The following TMC1 variants were observed in gnomAD, a reference collection of about 807,000 sequenced individuals.
TMC1 encodes transmembrane channel like 1, also known as transmembrane channel-like protein 1.
A neutral mutation model predicts 105.8 loss-of-function variants in TMC1; 84 were observed. The ratio of observed to expected loss-of-function variants is 0.79; its 90% CI spans 0.67 to 0.95. TMC1 has a LOEUF of 0.95. Ranked by LOEUF, TMC1 falls within the 40% of genes least tolerant of loss-of-function variation. The pLI is 0.00. For synonymous variants in TMC1, 315 were observed against 311.5 expected (o/e 1.01, Z -0.12); for missense variants, 817 against 914.1 (o/e 0.89, Z 1.37).
At chr9:72,569,516 A>G (rs1226039836) in intron 1 of TMC1, among the ~76,000 whole-genome samples, 1 of 152,234 alleles carries the variant, frequency 6.6e-6, no homozygotes, top group African/African-American at 2.4e-5. Context: ...AAGAATCAGG[A>G]AAGTTTTCAT....
At chr9:72,674,546 A>T (rs979634225) in intron 5 of TMC1, among the ~76,000 whole-genome samples, 1 of 152,240 alleles carries the variant, frequency 6.6e-6, no homozygotes, top group African/African-American at 2.4e-5. Context: ...GTGGTTGCCA[A>T]CCACTAGCAG....
At chr9:72,550,881 AG>A (rs1416434218) in intron 1 of TMC1, among the ~76,000 whole-genome samples, 1 of 152,044 alleles carries the variant, frequency 6.6e-6, no homozygotes, top group Non-Finnish European at 1.5e-5. Flanking sequence ...TGAGTTAGAG[AG>A]ATTATCCTGG....
At chr9:72,822,039 A>T (rs1378366477) in intron 20 of TMC1, among the ~76,000 whole-genome samples, 1 of 152,200 alleles carries the variant, frequency 6.6e-6, no homozygotes, top group Non-Finnish European at 1.5e-5. Context: ...TTAGAGATAC[A>T]CATTTCTACA....
chr9:72,651,108 A>G (rs900113128), intron 5 of TMC1: 1 of 147,916 alleles, frequency 6.8e-6, no homozygotes, highest in African/African-American at 2.5e-5. Flanking sequence ...TATCACATAT[A>G]TATAGCACAT....
rs377173276 is a variant in TMC1, at chr9:72,552,799, G to A, written c.-427-25103G>A. Among the ~76,000 whole-genome samples, 5 of 151,904 alleles carry A rather than the reference G, an allele frequency of 3.3e-5. No homozygotes were observed. In the East Asian group the frequency reaches 5.8e-4, roughly 18 times the overall value. ...TTGCATATTGTGATTGTTTCTGTTC[G>A]GATTTAATGGCTGATCTATTTATCA... On this transcript the variant is annotated intron_variant, in intron 1 of 23. Coordinates refer to ENST00000297784, the MANE Select transcript of TMC1 (RefSeq NM_138691.3).
At chr9:72,658,143 G>A (rs1270341892) in intron 5 of TMC1, among the ~76,000 whole-genome samples, 1 of 152,086 alleles carries the variant, frequency 6.6e-6, no homozygotes, top group Non-Finnish European at 1.5e-5. Context: ...AACAAAAAGT[G>A]TAATAGACAC....
At chr9:72,708,274 A>G (rs1826777429) in intron 8 of TMC1, among the ~76,000 whole-genome samples, 1 of 152,084 alleles carries the variant, frequency 6.6e-6, no homozygotes, top group South Asian at 2.1e-4. Context: ...TATGAATTTT[A>G]GAATTTTTTT....
intron 13 of TMC1, among the ~76,000 whole-genome samples, chr9:72,775,298 A>G (rs1827989663): frequency 6.6e-6 from 1 of 151,592 alleles, no homozygotes; most frequent in Admixed American, 6.6e-5. Flanking sequence ...TACATTTTCA[A>G]CCACATCATA....
At chr9:72,824,552 C>T (rs1828923229) in intron 20 of TMC1, among the ~76,000 whole-genome samples, 1 of 152,172 alleles carries the variant, frequency 6.6e-6, no homozygotes, top group African/African-American at 2.4e-5. Context: ...TCCCCAAAGT[C>T]AGGTTGTCTC....
In TMC1 at chr9:72,788,381, C is replaced by T. The variant is rs1454394344; in HGVS notation, c.927C>T (p.Asn309=). Residue 309 remains asparagine, a synonymous_variant, in exon 14 of 24, where the codon AAC becomes AAT. Coordinates refer to ENST00000297784, the MANE Select transcript of TMC1 (RefSeq NM_138691.3). ...GTGATGATGGAGGTGGAGATGACAACACTTTCAATTTCAGCTGGAAGGTCT... is the reference window on the plus strand; with the variant it reads ...GTGATGATGGAGGTGGAGATGACAATACTTTCAATTTCAGCTGGAAGGTCT... ...NIGDDGGGDD[N]TFNFSWKVFT... is the part of the protein sequence containing the mutation. 7.4e-6 allele frequency: 12 copies of T among 1,613,948 alleles called. No individual in the cohort carries two copies. The highest frequency in any genetic ancestry group is 1.3e-5 in the African/African-American group (1 of 74,900).
intron 20 of TMC1, among the ~76,000 whole-genome samples, chr9:72,821,502 C>CAAAA (rs35069464): frequency 6.8e-4 from 72 of 105,514 alleles, no homozygotes; most frequent in African/African-American, 1.4e-3. Context: ...AACTCTGTCT[C>CAAAA]AAAAAAAAAA....
At chr9:72,787,719 CAT>C (rs1828192944) in intron 13 of TMC1, among the ~76,000 whole-genome samples, 1 of 151,508 alleles carries the variant, frequency 6.6e-6, no homozygotes, top group African/African-American at 2.4e-5. Context: ...TATAAAATCA[CAT>C]ATATATACAT....
chr9:72,546,880 T>C (rs1179217883), intron 1 of TMC1, among the ~76,000 whole-genome samples: 2 of 152,248 alleles, frequency 1.3e-5, no homozygotes, highest in Non-Finnish European at 2.9e-5. Context: ...TACTCATTTC[T>C]TAAACTTTAC....
rs1011552385 is a variant in TMC1 at position 72,685,998 on chromosome 9, A to T, written c.17-2711A>T. On this transcript the variant is annotated intron_variant, in intron 5 of 23. Coordinates refer to ENST00000297784, the MANE Select transcript of TMC1 (RefSeq NM_138691.3). ...AGAACAACATCCACTTTTCTGAACG[A>T]CTCCTATGCCTCTGAAATGTGACAT... Among the ~76,000 whole-genome samples, 3 of 151,562 alleles carry T rather than the reference A, an allele frequency of 2.0e-5. No individual in the cohort carries two copies. The East Asian group carries it at 5.8e-4, about 29-fold the overall frequency.
intron 8 of TMC1, among the ~76,000 whole-genome samples, chr9:72,701,311 G>C (rs546688321): frequency 4.6e-5 from 7 of 152,200 alleles, no homozygotes; most frequent in Admixed American, 1.3e-4. Flanking sequence ...CGCGAACGCA[G>C]TCAGAGCACA....
chr9:72,559,238 G>C (rs1334565908), intron 1 of TMC1, among the ~76,000 whole-genome samples: 1 of 152,060 alleles, frequency 6.6e-6, no homozygotes, highest in Non-Finnish European at 1.5e-5. Flanking sequence ...GGGATTACAG[G>C]AGTGCTCCAC....
rs188154533 is a variant in TMC1 at position 72,778,064 on chromosome 9, T to G, written c.884+5509T>G. On this transcript the variant is annotated intron_variant, in intron 13 of 23. Transcript: ENST00000297784. ...AGTCCTTGCCTCTGTGGTGCTCAGT[T>G]GGGGAAATATTGTAAACAAAGAAAT... 3.7e-3 allele frequency among the ~76,000 whole-genome samples: 560 copies of G among 152,300 alleles called. 3 individuals carry two copies. The highest frequency in any genetic ancestry group is 6.4e-3 in the Non-Finnish European group (438 of 68,016).
chr9:72,827,898 G>A (rs1828981618), intron 21 of TMC1, among the ~76,000 whole-genome samples: 1 of 152,198 alleles, frequency 6.6e-6, no homozygotes, highest in Non-Finnish European at 1.5e-5. Context: ...AACTCCCAGT[G>A]GTTTGCAGTA....
chr9:72,594,466 T>C (rs191828784), intron 2 of TMC1, among the ~76,000 whole-genome samples: 12 of 152,316 alleles, frequency 7.9e-5, no homozygotes, highest in African/African-American at 2.9e-4. Context: ...AATAAATCTT[T>C]TTGGCTTACG....
Sources: gnomAD v4.1 joint callset for allele counts (sites outside exome capture counted in the v4.1 genomes callset) on GRCh38, gnomAD v4.1.1 for gene constraint, MANE v1.5 for transcripts, NCBI Gene and HGNC (gene_info 2026-07-23, HGNC 2026-07-21) for gene names.